CNTNAP2: variants seen among roughly 807,000 people sequenced by gnomAD.
CNTNAP2 encodes the protein contactin associated protein 2.
CNTNAP2 carries 98 observed loss-of-function variants against 155.2 expected under a neutral mutation model. That is an observed-to-expected ratio of 0.63 (90% CI 0.54 to 0.75). The LOEUF (loss-of-function observed/expected upper bound fraction) is 0.75, where lower values mean the gene tolerates loss of function less well. Among genes scored for constraint, CNTNAP2 ranks in the 30% least tolerant of loss-of-function variants. CNTNAP2 has a pLI of 0.00. For missense variants in CNTNAP2, 1,727 were observed against 1,688.1 expected, an observed-to-expected ratio of 1.02 and a Z score of -0.40; for synonymous variants, 651 against 631.2, an observed-to-expected ratio of 1.03 and a Z score of -0.47.
chr7:147,381,228 G>T (rs771101982), intron 9 of CNTNAP2, among the ~76,000 whole-genome samples: 6 of 152,108 alleles, frequency 3.9e-5, no homozygotes, highest in Non-Finnish European at 7.4e-5. Flanking sequence ...CCTTACAAAT[G>T]AAAACACTGG....
chr7:147,033,003 T>G (rs573202413), intron 3 of CNTNAP2, among the ~76,000 whole-genome samples: 26 of 151,742 alleles, frequency 1.7e-4, no homozygotes, highest in African/African-American at 6.0e-4. Flanking sequence ...ATTTTCAAAG[T>G]CAAATTATTG....
At chr7:148,251,630 C>T (rs1024692678) in intron 20 of CNTNAP2, among the ~76,000 whole-genome samples, 2 of 152,166 alleles carry the variant, frequency 1.3e-5, no homozygotes, top group Admixed American at 6.5e-5. Flanking sequence ...AACATAAAAA[C>T]CCTCCTCCTT....
intron 1 of CNTNAP2, among the ~76,000 whole-genome samples, chr7:146,570,121 C>G (rs1798418338): frequency 6.6e-6 from 1 of 152,120 alleles, no homozygotes; most frequent in Non-Finnish European, 1.5e-5. Context: ...TATTTCAGCA[C>G]TGTTTGTACA....
chr7:146,680,020 T>G (rs536804783), intron 1 of CNTNAP2, among the ~76,000 whole-genome samples: 2 of 152,198 alleles, frequency 1.3e-5, no homozygotes, highest in Admixed American at 6.5e-5. Context: ...AATACATATG[T>G]AGAACATGTT....
intron 10 of CNTNAP2, among the ~76,000 whole-genome samples, chr7:147,401,562 T>C (rs1796913729): frequency 6.6e-6 from 1 of 152,132 alleles, no homozygotes; most frequent in African/African-American, 2.4e-5. Context: ...GAAAGGCGAA[T>C]GAAAGCAGTC....
intron 22 of CNTNAP2, among the ~76,000 whole-genome samples, chr7:148,403,412 G>C (rs1316243883): frequency 6.6e-6 from 1 of 152,078 alleles, no homozygotes; most frequent in East Asian, 1.9e-4. Flanking sequence ...GTGTCATTTG[G>C]GGATCCGCAA....
intron 1 of CNTNAP2, among the ~76,000 whole-genome samples, chr7:146,184,569 C>T (rs1394827493): frequency 6.6e-6 from 1 of 152,112 alleles, no homozygotes; most frequent in African/African-American, 2.4e-5. Context: ...CTGCTCTATT[C>T]TCTTGGTCTC....
At chr7:147,919,479 G>C (rs1800224705) in intron 14 of CNTNAP2, among the ~76,000 whole-genome samples, 1 of 13,592 alleles carries the variant, frequency 7.4e-5, no homozygotes, top group Non-Finnish European at 1.4e-4. Flanking sequence ...TTTTTTTTGA[G>C]ACAGAGTCTT....
At chr7:147,603,391 A>C (rs528686081) in intron 12 of CNTNAP2, among the ~76,000 whole-genome samples, 1 of 152,126 alleles carries the variant, frequency 6.6e-6, no homozygotes, top group African/African-American at 2.4e-5. Context: ...TACAAAATCA[A>C]TGTACAAAAA....
chr7:146,197,816 A>G (rs901962051), intron 1 of CNTNAP2, among the ~76,000 whole-genome samples: 4 of 152,182 alleles, frequency 2.6e-5, no homozygotes, highest in African/African-American at 9.7e-5. Flanking sequence ...GTTTTCAGGT[A>G]TATTAGCCCA....
At chr7:147,299,420 G>T (rs1247525958) in intron 8 of CNTNAP2, among the ~76,000 whole-genome samples, 2 of 143,526 alleles carry the variant, frequency 1.4e-5, no homozygotes, top group East Asian at 4.2e-4. Flanking sequence ...ATGCATTCTT[G>T]ATTTATTTTG....
chr7:147,348,963 C>T (rs1028538526), intron 9 of CNTNAP2, among the ~76,000 whole-genome samples: 2 of 151,768 alleles, frequency 1.3e-5, no homozygotes, highest in African/African-American at 4.8e-5. Flanking sequence ...AAAAGTAAAG[C>T]ACAGGATACT....
intron 15 of CNTNAP2, among the ~76,000 whole-genome samples, chr7:147,983,852 A>AG (rs766082847): frequency 4.6e-5 from 7 of 152,200 alleles, no homozygotes; most frequent in Non-Finnish European, 1.0e-4. Context: ...GAGACAATAG[A>AG]TGGCAAATGT....
intron 1 of CNTNAP2, among the ~76,000 whole-genome samples, chr7:146,752,873 G>A (rs1801929974): frequency 6.6e-6 from 1 of 152,120 alleles, no homozygotes; most frequent in African/African-American, 2.4e-5. Context: ...TTCCCAATTA[G>A]CCAAAAATTG....
At chr7:146,804,840 C>T (rs1802939917) in intron 2 of CNTNAP2, among the ~76,000 whole-genome samples, 1 of 152,186 alleles carries the variant, frequency 6.6e-6, no homozygotes, top group African/African-American at 2.4e-5. Flanking sequence ...TTCCTCTTCC[C>T]ACCTCAATCA....
chr7:146,700,135 C>G (rs959420490), intron 1 of CNTNAP2, among the ~76,000 whole-genome samples: 1 of 152,020 alleles, frequency 6.6e-6, no homozygotes, highest in African/African-American at 2.4e-5. Context: ...AAGACTGGAC[C>G]TCAAAGGGTT....
intron 1 of CNTNAP2, among the ~76,000 whole-genome samples, chr7:146,557,228 A>T (rs1045682974): frequency 2.0e-5 from 3 of 152,086 alleles, no homozygotes; most frequent in African/African-American, 7.3e-5. Context: ...TATGAAGGCA[A>T]AGAAACTATG....
chr7:148,248,796 T>A (rs1355256739), intron 20 of CNTNAP2, among the ~76,000 whole-genome samples: 1 of 152,190 alleles, frequency 6.6e-6, no homozygotes, highest in Non-Finnish European at 1.5e-5. Flanking sequence ...ATGGTAAGTG[T>A]ATCTTTAACT....
At chr7:147,056,984 G>C (rs1345153727) in intron 4 of CNTNAP2, among the ~76,000 whole-genome samples, 3 of 150,224 alleles carry the variant, frequency 2.0e-5, no homozygotes, top group Non-Finnish European at 4.4e-5. Context: ...TTTTTTTTTG[G>C]TTTGTTTGTT....
Sources: allele counts gnomAD v4.1 joint callset (sites outside exome capture counted in the v4.1 genomes callset), GRCh38; gene constraint gnomAD v4.1.1; transcripts MANE v1.5; gene names NCBI Gene and HGNC (gene_info 2026-07-23, HGNC 2026-07-21).